Variants in CEP162 observed in about 807,000 individuals in gnomAD.
CEP162 encodes centrosomal protein of 162 kDa.
Under a neutral mutation model 169.2 loss-of-function variants are expected in CEP162, and 141 were observed. The observed-to-expected ratio is 0.83, with a 90% CI of 0.73 to 0.96. CEP162 has a LOEUF of 0.96. Ranked by LOEUF, CEP162 falls within the 40% of genes least tolerant of loss-of-function variation. The probability of loss-of-function intolerance (pLI) is 0.00; values close to 1 mark genes in which losing one functional copy is unlikely to be tolerated. For synonymous variants in CEP162, 540 were observed against 526.4 expected, an observed-to-expected ratio of 1.03 and a Z score of -0.35; for missense variants, 1,600 against 1,587.2, an observed-to-expected ratio of 1.01 and a Z score of -0.14.
intron 23 of CEP162, among the ~76,000 whole-genome samples, chr6:84,150,532 A>G (rs905846324): frequency 6.6e-6 from 1 of 152,134 alleles, no homozygotes; most frequent in African/African-American, 2.4e-5. Flanking sequence ...AAAAAGCATA[A>G]AAACCTAAAT....
At position 84,204,001 on chromosome 6, in the gene CEP162, T is replaced by C. The variant is rs563982762; in HGVS notation, c.667A>G (p.Lys223Glu). 58 of 1,608,166 alleles carry C rather than the reference T, an allele frequency of 3.6e-5. 3 individuals carry two copies. The South Asian group carries it at 6.1e-4, about 17-fold the overall frequency. ...TATACCTGTTTGGGCACACTTATTT[T>C]TTCTGATTTGGAATTCTCTTTGGAA... ...MPSKENSKSE[K>E]ISVPKQEEEK... Residue 223 changes from lysine (K) to glutamate (E), a missense_variant, in exon 7 of 27, where the codon AAA becomes GAA. Transcript: ENST00000403245.
intron 1 of CEP162, among the ~76,000 whole-genome samples, chr6:84,226,917 A>G (rs2099555956): frequency 6.6e-6 from 1 of 152,230 alleles, no homozygotes; most frequent in South Asian, 2.1e-4. Context: ...CAGACTGCAT[A>G]GTTTCGTAAA....
At position 84,133,217 on chromosome 6, in the gene CEP162, T is replaced by C. The variant is rs57563899; in HGVS notation, c.3871-6705A>G. Among the ~76,000 whole-genome samples, 458 of 152,298 alleles carry C rather than the reference T, an allele frequency of 3.0e-3. 2 individuals are homozygous for C. The highest frequency in any genetic ancestry group is 0.01 in the African/African-American group (418 of 41,574). The stretch of plus-strand genomic sequence containing the variant: ...AAATGTTGCTGCCTGATCCTTCCTC[T>C]GGGAGCTTTGTCTCAGAGGGGCACC... On this transcript the variant is annotated intron_variant, in intron 25 of 26. Coordinates refer to ENST00000403245, the MANE Select transcript of CEP162 (RefSeq NM_014895.4).
At chr6:84,131,599 C>T (rs1019401651) in intron 25 of CEP162, among the ~76,000 whole-genome samples, 1 of 151,240 alleles carries the variant, frequency 6.6e-6, no homozygotes, top group East Asian at 1.9e-4. Flanking sequence ...ACCATTATGG[C>T]CTTGTCTCTT....
chr6:84,167,040 A>G (rs1208711499), intron 18 of CEP162, among the ~76,000 whole-genome samples: 6 of 152,166 alleles, frequency 3.9e-5, no homozygotes, highest in Non-Finnish European at 8.8e-5. Flanking sequence ...GCTAGCTTCA[A>G]CATGATGGGA....
intron 25 of CEP162, among the ~76,000 whole-genome samples, chr6:84,146,105 G>A (rs941321657): frequency 6.6e-6 from 1 of 152,022 alleles, no homozygotes; most frequent in African/African-American, 2.4e-5. Context: ...AGCTGCACTT[G>A]TTCCAATCTA....
intron 17 of CEP162, among the ~76,000 whole-genome samples, chr6:84,169,949 G>T (rs1292965442): frequency 6.6e-6 from 1 of 152,090 alleles, no homozygotes; most frequent in Non-Finnish European, 1.5e-5. Context: ...ATGTACTAAA[G>T]AAACCATTTA....
chr6:84,209,535 C>A (rs969964515), intron 6 of CEP162, among the ~76,000 whole-genome samples: 1 of 151,844 alleles, frequency 6.6e-6, no homozygotes. Flanking sequence ...CCACCACGCC[C>A]GGCTAATTTT....
intron 26 of CEP162, among the ~76,000 whole-genome samples, chr6:84,125,654 C>T (rs774143412): frequency 6.6e-6 from 1 of 151,986 alleles, no homozygotes; most frequent in Non-Finnish European, 1.5e-5. Flanking sequence ...ATCTCTCGCC[C>T]CTCTTCCTCT....
At chr6:84,134,630 G>A (rs1458109449) in intron 25 of CEP162, among the ~76,000 whole-genome samples, 1 of 152,148 alleles carries the variant, frequency 6.6e-6, no homozygotes, top group South Asian at 2.1e-4. Context: ...CTTCCCGGAT[G>A]AGGCAAGGCC....
rs181590351 is a variant in CEP162, at chr6:84,207,684, T to G, written c.572-3588A>C. Among the ~76,000 whole-genome samples, 97 of 151,906 alleles carry G rather than the reference T, an allele frequency of 6.4e-4. 2 individuals carry two copies. In the East Asian group the frequency reaches 0.017, roughly 27 times the overall value. On this transcript the variant is annotated intron_variant, in intron 6 of 26. Coordinates refer to ENST00000403245, the MANE Select transcript of CEP162 (RefSeq NM_014895.4). ...ATACATATGTAACAAACCTGCACGT[T>G]GTGCACATGTACCCTAGAACTTAAA...
At chr6:84,181,868 A>G (rs888947292) in intron 13 of CEP162, among the ~76,000 whole-genome samples, 2 of 152,134 alleles carry the variant, frequency 1.3e-5, no homozygotes, top group Admixed American at 6.5e-5. Flanking sequence ...TTTATATTTC[A>G]CGGAAGGGAA....
At chr6:84,188,129 T>A (rs17186320) in intron 11 of CEP162, among the ~76,000 whole-genome samples, 5,728 of 150,050 alleles carry the variant, frequency 0.038, 167 homozygotes, top group Admixed American at 0.093. Flanking sequence ...AAGAGTGTCA[T>A]CTTCACATTT....
chr6:84,176,647 G>C (rs1171706865), intron 13 of CEP162, among the ~76,000 whole-genome samples: 1 of 152,188 alleles, frequency 6.6e-6, no homozygotes, highest in Non-Finnish European at 1.5e-5. Flanking sequence ...GAACGTTTAG[G>C]ATTTTGGATT....
At chr6:84,186,749 G>T in intron 11 of CEP162, 126 bp from the exon 12 acceptor site, 2 of 731,324 alleles carry the variant, frequency 2.7e-6, no homozygotes, top group South Asian at 2.1e-5. Flanking sequence ...TTCAAATTAA[G>T]TTAATGATGT....
intron 13 of CEP162, among the ~76,000 whole-genome samples, chr6:84,180,354 A>C (rs1377817626): frequency 6.6e-6 from 1 of 152,174 alleles, no homozygotes; most frequent in Non-Finnish European, 1.5e-5. Context: ...TCAAAATAAT[A>C]AGAGCTATTT....
At chr6:84,203,896 AT>A in intron 7 of CEP162, 84 bp downstream of exon 7, 1 of 611,886 alleles carries the variant, frequency 1.6e-6, no homozygotes, top group Non-Finnish European at 2.7e-6. Context: ...GAAGAACTCC[AT>A]TTTTTGAGCT....
intron 5 of CEP162, among the ~76,000 whole-genome samples, chr6:84,214,782 A>G (rs1351117198): frequency 1.3e-5 from 2 of 152,176 alleles, no homozygotes; most frequent in Admixed American, 6.5e-5. Flanking sequence ...GAGAATGGCA[A>G]TGGTCTAGTG....
At chr6:84,128,187 T>C (rs918229923) in intron 25 of CEP162, among the ~76,000 whole-genome samples, 9 of 152,212 alleles carry the variant, frequency 5.9e-5, no homozygotes, top group African/African-American at 2.2e-4. Context: ...TAAACATTCA[T>C]TGGTAAATCA....
Sources: gnomAD v4.1 joint callset for allele counts (sites outside exome capture counted in the v4.1 genomes callset) on GRCh38, gnomAD v4.1.1 for gene constraint, MANE v1.5 for transcripts, NCBI Gene and HGNC (gene_info 2026-07-23, HGNC 2026-07-21) for gene names.